Variants in XRCC1 observed in about 807,000 individuals in gnomAD.
XRCC1 encodes the protein X-ray repair cross complementing 1.
XRCC1 carries 52 observed loss-of-function variants against 83.3 expected under a neutral mutation model. That is an observed-to-expected ratio of 0.62 (90% CI 0.50 to 0.79). The LOEUF (loss-of-function observed/expected upper bound fraction) is 0.79. XRCC1 is among the 30% of genes least tolerant of loss of function. XRCC1 has a pLI of 0.00. For synonymous variants in XRCC1, 281 were observed against 312.6 expected, an observed-to-expected ratio of 0.90 and a Z score of 1.07; for missense variants, 793 against 823.5, an observed-to-expected ratio of 0.96 and a Z score of 0.45.
chr19:43,575,526 G>C lies in XRCC1; in HGVS notation c.-68C>G. ...GTATGGGGTCCGAGGGGCAGGGAGA[G>C]TGGGAGGGGGCGGGGTGCGCCCTGC... On this transcript the variant is annotated 5_prime_UTR_variant, in exon 1 of 17. Coordinates refer to ENST00000262887, the MANE Select transcript of XRCC1 (RefSeq NM_006297.3). 1.3e-6 allele frequency: 2 copies of C among 1,535,952 alleles called. No homozygotes were observed. The highest frequency in any genetic ancestry group is 1.8e-6 in the Non-Finnish European group (2 of 1,120,572).
chr19:43,544,321 T>G (rs1213993006), intron 14 of XRCC1, 87 bp from the exon 15 acceptor site: 4 of 1,189,018 alleles, frequency 3.4e-6, no homozygotes, highest in African/African-American at 1.5e-5. Context: ...ACCCAGCAGC[T>G]GAGGAGAGGG....
intron 2 of XRCC1, among the ~76,000 whole-genome samples, chr19:43,564,034 T>C (rs1600056792): frequency 6.6e-6 from 1 of 152,280 alleles, no homozygotes; most frequent in East Asian, 1.9e-4. Flanking sequence ...TTTCACCCCT[T>C]GTGCCTCAGT....
At chr19:43,565,330 T>C (rs1025575540) in intron 2 of XRCC1, among the ~76,000 whole-genome samples, 5 of 152,190 alleles carry the variant, frequency 3.3e-5, no homozygotes, top group Non-Finnish European at 7.3e-5. Context: ...ACGACTCCAG[T>C]TTCACAGATG....
At chr19:43,554,521 C>G (rs1160917562) in intron 4 of XRCC1, 125 bp downstream of exon 4, 1 of 1,240,562 alleles carries the variant, frequency 8.1e-7, no homozygotes, top group Non-Finnish European at 1.1e-6. Context: ...GGGACCCAGC[C>G]TCCCCATAAT....
Position 43,554,690 on chromosome 19 carries a change from G to A in XRCC1, c.370C>T (p.Arg124Cys), listed in dbSNP as rs200222662. Residue 124 changes from arginine (R) to cysteine (C), a missense_variant, in exon 4 of 17, where the codon CGC becomes TGC. Arg to Cys is a radical substitution (Grantham distance 180). Transcript: ENST00000262887. ...CAAACAATTTTGACCCGGTCCCAGC[G>A]CTTCTCGGCGGCTGCCCGGACCAGC... The part of the protein sequence containing the change: ...DKLVRAAAEK[R>C]WDRVKIVCSQ... 65 of 1,613,810 alleles carry A rather than the reference G, an allele frequency of 4.0e-5. No individual in the cohort carries two copies. The highest frequency in any genetic ancestry group is 1.9e-4 in the African/African-American group (14 of 74,908).
chr19:43,566,531 C>CA (rs34680972), intron 2 of XRCC1, among the ~76,000 whole-genome samples: 14,726 of 66,268 alleles, frequency 0.22, 1,223 homozygotes, highest in Non-Finnish European at 0.26. Flanking sequence ...GACTCTGTCT[C>CA]AAAAAAAAAA....
chr19:43,573,819 GAGCCA>G (rs1972827762), intron 2 of XRCC1, among the ~76,000 whole-genome samples: 1 of 152,156 alleles, frequency 6.6e-6, no homozygotes, highest in Admixed American at 6.5e-5. Context: ...AGGCTGCAGT[GAGCCA>G]AGCCAAGATC....
At chr19:43,545,531 C>T (rs1207412480) in intron 14 of XRCC1, among the ~76,000 whole-genome samples, 1 of 152,148 alleles carries the variant, frequency 6.6e-6, no homozygotes, top group Non-Finnish European at 1.5e-5. Context: ...GTGGGGCCCT[C>T]ACCCCTGACG....
In XRCC1 at chr19:43,563,137, C is replaced by T. The variant is rs183771506; in HGVS notation, c.145-2117G>A. On this transcript the variant is annotated intron_variant, in intron 2 of 16. Transcript: ENST00000262887. ...CTCCTGCTGACTCCCCTGCCTCCACCGCCATTCCCAGCCCTGGGCCCTGGG... is the reference window on the plus strand; with the variant it reads ...CTCCTGCTGACTCCCCTGCCTCCACTGCCATTCCCAGCCCTGGGCCCTGGG... 1.5e-4 allele frequency among the ~76,000 whole-genome samples: 23 copies of T among 152,324 alleles called. No homozygotes were observed. The South Asian group carries it at 3.5e-3, about 23-fold the overall frequency.
intron 2 of XRCC1, among the ~76,000 whole-genome samples, chr19:43,567,062 A>G (rs1972760647): frequency 6.6e-6 from 1 of 152,126 alleles, no homozygotes; most frequent in South Asian, 2.1e-4. Flanking sequence ...AAAGTGTAAC[A>G]AGGTTAAGTG....
rs1300476342 is a variant in XRCC1 at position 43,546,689 on chromosome 19, T to G, written c.1332A>C (p.Gly444=). Residue 444 remains glycine, a synonymous_variant, in exon 12 of 17, where the codon GGA becomes GGC. Coordinates refer to ENST00000262887, the MANE Select transcript of XRCC1 (RefSeq NM_006297.3). The part of the protein sequence containing the change: ...QTKTKPTQAA[G]PSSPQKPPTP... Reference sequence around the variant, plus strand: ...TTGGGGGCTTCTGGGGTGAGCTGGGTCCAGCTGCCTGAGTGGGCTTGGTTT... The same window carrying G: ...TTGGGGGCTTCTGGGGTGAGCTGGGGCCAGCTGCCTGAGTGGGCTTGGTTT... 6.2e-7 allele frequency: 1 copy of G among 1,609,268 alleles called. No individual in the cohort carries two copies. The highest frequency in any genetic ancestry group is 1.1e-5 in the South Asian group (1 of 90,672).
At chr19:43,545,253 G>C (rs1281225379) in intron 14 of XRCC1, among the ~76,000 whole-genome samples, 1 of 152,060 alleles carries the variant, frequency 6.6e-6, no homozygotes, top group Non-Finnish European at 1.5e-5. Context: ...CTTCATTCTC[G>C]AAGAAGCTCT....
At chr19:43,573,600 C>T (rs1972825377) in intron 2 of XRCC1, among the ~76,000 whole-genome samples, 2 of 152,056 alleles carry the variant, frequency 1.3e-5, no homozygotes, top group South Asian at 4.2e-4. Flanking sequence ...AGGCCAGGAA[C>T]AATGGTTCAT....
intron 2 of XRCC1, among the ~76,000 whole-genome samples, chr19:43,567,577 G>C (rs1972766177): frequency 6.6e-6 from 1 of 152,160 alleles, no homozygotes; most frequent in Non-Finnish European, 1.5e-5. Flanking sequence ...CTCCCAAAGT[G>C]CTGGGATTAC....
At chr19:43,567,399 G>A (rs1229620959) in intron 2 of XRCC1, among the ~76,000 whole-genome samples, 1 of 151,974 alleles carries the variant, frequency 6.6e-6, no homozygotes, top group Non-Finnish European at 1.5e-5. Flanking sequence ...TGCAAACTCT[G>A]CCTTCCAGTT....
Position 43,553,517 on chromosome 19 carries a change from G to A in XRCC1, c.490-5C>T, listed in dbSNP as rs375287716. 1.2e-6 allele frequency: 2 copies of A among 1,614,104 alleles called. No homozygotes were observed. Among genetic ancestry groups the A allele is most frequent in the Admixed American group, 3.3e-5 (2 of 60,018 alleles). On this transcript the variant is annotated splice_polypyrimidine_tract_variant and splice_region_variant and intron_variant, in intron 5 of 16. Transcript: ENST00000262887. ...AAGCTTGGTCACTGTCACCTTCTAA[G>A]GTCCCGCAAGGTCAGTATTATAGGT...
Position 43,543,350 on chromosome 19 carries a change from G to C in XRCC1, c.*42C>G. On this transcript the variant is annotated 3_prime_UTR_variant, in exon 17 of 17. Transcript: ENST00000262887. Reference sequence around the variant, plus strand: ...TCTTTATTAAATGCATCGTGTGTGTGTGTGTGTGTGTGTGTGTGTGTGTGT... The same window carrying C: ...TCTTTATTAAATGCATCGTGTGTGTCTGTGTGTGTGTGTGTGTGTGTGTGT... 8.8e-7 allele frequency: 1 copy of C among 1,132,690 alleles called. No homozygotes were observed. The highest frequency in any genetic ancestry group is 1.3e-6 in the Non-Finnish European group (1 of 799,612). The allele number at this position is 1,132,690 out of a possible 1,614,324, so 70.2% of individuals were successfully genotyped here. A position where few individuals can be genotyped will look rare whatever the true frequency, so the allele number is the denominator to read the frequency against.
At chr19:43,562,675 G>C (rs907452989) in intron 2 of XRCC1, among the ~76,000 whole-genome samples, 11 of 152,144 alleles carry the variant, frequency 7.2e-5, no homozygotes, top group African/African-American at 2.7e-4. Context: ...GCCTGGGGAG[G>C]TCAAGGCTGC....
Position 43,572,660 on chromosome 19 carries a change from C to A in XRCC1, c.144+2250G>T, listed in dbSNP as rs529193099. Among the ~76,000 whole-genome samples the A allele has an allele frequency of 8.5e-4, 130 of 152,176 alleles. 1 individual carries two copies. Among genetic ancestry groups the A allele is most frequent in the African/African-American group, 2.8e-3 (117 of 41,526 alleles). On this transcript the variant is annotated intron_variant, in intron 2 of 16. Transcript: ENST00000262887. Reference sequence around the variant, plus strand: ...TTCAAGACCAGCCTAGCCAACATGGCAAAACTCGGTCTCTATTATAAATAC... The same window carrying A: ...TTCAAGACCAGCCTAGCCAACATGGAAAAACTCGGTCTCTATTATAAATAC...
Sources: allele counts gnomAD v4.1 joint callset (sites outside exome capture counted in the v4.1 genomes callset), GRCh38; gene constraint gnomAD v4.1.1; transcripts MANE v1.5; gene names NCBI Gene and HGNC (gene_info 2026-07-23, HGNC 2026-07-21).